The following CDK14 variants were observed in gnomAD, a reference collection of about 807,000 sequenced individuals.
The protein encoded by CDK14 is cyclin-dependent kinase 14.
CDK14 carries 34 observed loss-of-function variants against 60.7 expected under a neutral mutation model. The observed-to-expected ratio is 0.56, with a 90% CI of 0.43 to 0.75. The LOEUF (loss-of-function observed/expected upper bound fraction) is 0.75, where lower values mean the gene tolerates loss of function less well. Among genes scored for constraint, CDK14 ranks in the 30% least tolerant of loss-of-function variants. The pLI, the probability that CDK14 is intolerant of heterozygous loss-of-function variation, is 0.00. For synonymous variants in CDK14, 197 were observed against 203.7 expected, an observed-to-expected ratio of 0.97 and a Z score of 0.28; for missense variants, 482 against 564.1, an observed-to-expected ratio of 0.85 and a Z score of 1.47.
intron 14 of CDK14, among the ~76,000 whole-genome samples, chr7:91,133,696 C>T (rs184298381): frequency 1.2e-4 from 18 of 151,966 alleles, no homozygotes; most frequent in East Asian, 1.2e-3. Flanking sequence ...ATGGTTTTAC[C>T]GATTTTATTG....
intron 14 of CDK14, among the ~76,000 whole-genome samples, chr7:91,185,721 A>G (rs1362902890): frequency 6.6e-6 from 1 of 151,798 alleles, no homozygotes; most frequent in African/African-American, 2.4e-5. Flanking sequence ...CTTTAAATAA[A>G]TATACTTAAA....
At chr7:91,102,170 A>AG (rs989505875) in intron 12 of CDK14, among the ~76,000 whole-genome samples, 1 of 152,168 alleles carries the variant, frequency 6.6e-6, no homozygotes, top group African/African-American at 2.4e-5. Flanking sequence ...GAAGGGATCC[A>AG]GGCTCTGTGG....
intron 8 of CDK14, among the ~76,000 whole-genome samples, chr7:90,952,068 C>A (rs886632790): frequency 2.0e-5 from 3 of 151,990 alleles, no homozygotes; most frequent in African/African-American, 7.2e-5. Context: ...GGGGTAGGTC[C>A]CAGAAGGAGA....
intron 3 of CDK14, among the ~76,000 whole-genome samples, chr7:90,743,145 T>G (rs1287672073): frequency 6.6e-6 from 1 of 152,156 alleles, no homozygotes; most frequent in Non-Finnish European, 1.5e-5. Flanking sequence ...CATTTTGGTT[T>G]TAAGGTTTTT....
chr7:90,774,115 G>A (rs1006330907), intron 4 of CDK14, among the ~76,000 whole-genome samples: 70 of 151,946 alleles, frequency 4.6e-4, no homozygotes, highest in African/African-American at 1.7e-3. Flanking sequence ...TGTTAGCCAG[G>A]CTGGTCACGA....
chr7:90,979,687 A>G (rs1230863999), intron 9 of CDK14: 1 of 152,238 alleles, frequency 6.6e-6, no homozygotes. Flanking sequence ...ACCAATGTTC[A>G]TCGTCATGCT....
intron 14 of CDK14, among the ~76,000 whole-genome samples, chr7:91,158,455 G>A (rs1006647005): frequency 1.8e-4 from 27 of 151,972 alleles, no homozygotes; most frequent in African/African-American, 6.0e-4. Flanking sequence ...CAGCTCAAGC[G>A]ATCTGCCTGC....
chr7:91,119,778 G>T (rs970480032), intron 14 of CDK14, among the ~76,000 whole-genome samples: 2 of 152,168 alleles, frequency 1.3e-5, no homozygotes, highest in African/African-American at 4.8e-5. Flanking sequence ...AAGATCTCCA[G>T]ATAAAGTATG....
chr7:91,083,073 G>A (rs539607678), intron 12 of CDK14, among the ~76,000 whole-genome samples: 2 of 152,142 alleles, frequency 1.3e-5, no homozygotes, highest in East Asian at 1.9e-4. Context: ...GTTGAGTTGA[G>A]TGAGTTCTTA....
chr7:90,809,615 C>CT (rs1207380911), intron 5 of CDK14, among the ~76,000 whole-genome samples: 1 of 152,066 alleles, frequency 6.6e-6, no homozygotes, highest in Non-Finnish European at 1.5e-5. Context: ...CAAGAAATAA[C>CT]TAAGATCAGA....
intron 10 of CDK14, among the ~76,000 whole-genome samples, chr7:90,989,236 G>A (rs938332959): frequency 2.0e-4 from 30 of 152,104 alleles, no homozygotes; most frequent in African/African-American, 7.0e-4. Context: ...ATTGGTTAGG[G>A]AAGCCTTGTA....
At chr7:90,641,185 C>T (rs1199693320) in intron 2 of CDK14, among the ~76,000 whole-genome samples, 1 of 151,836 alleles carries the variant, frequency 6.6e-6, no homozygotes, top group Non-Finnish European at 1.5e-5. Context: ...CCTGGGACTG[C>T]AAAATGATTC....
chr7:90,725,256 A>G (rs1174314382), intron 2 of CDK14, among the ~76,000 whole-genome samples: 1 of 152,208 alleles, frequency 6.6e-6, no homozygotes, highest in Non-Finnish European at 1.5e-5. Flanking sequence ...TGCCCGTTCA[A>G]TTCCACATGT....
intron 9 of CDK14, among the ~76,000 whole-genome samples, chr7:90,964,692 T>C (rs1347726470): frequency 6.6e-6 from 1 of 152,238 alleles, no homozygotes; most frequent in Non-Finnish European, 1.5e-5. Context: ...CTTATATTGC[T>C]ATTCATTGAT....
intron 12 of CDK14, among the ~76,000 whole-genome samples, chr7:91,084,493 C>T (rs1176673051): frequency 1.3e-5 from 2 of 152,246 alleles, no homozygotes; most frequent in Non-Finnish European, 2.9e-5. Context: ...GGCCTGCCTG[C>T]TACCCACTCA....
chr7:90,946,802 A>AACAC (rs1794115636), intron 8 of CDK14, among the ~76,000 whole-genome samples: 2 of 152,302 alleles, frequency 1.3e-5, no homozygotes, highest in South Asian at 2.1e-4. Context: ...AAAACAAACA[A>AACAC]ACAAAAAACT....
intron 2 of CDK14, among the ~76,000 whole-genome samples, chr7:90,658,666 T>C (rs767623156): frequency 3.9e-5 from 6 of 152,252 alleles, no homozygotes; most frequent in Non-Finnish European, 7.3e-5. Context: ...TATTCCATCA[T>C]ATGGATAGGA....
chr7:90,910,783 A>G lies in CDK14; in HGVS notation c.703-6818A>G, dbSNP rs115985109. On this transcript the variant is annotated intron_variant, in intron 7 of 14. Transcript: ENST00000380050. ...CACTTAATTCCTCTTTTTTTAAAAA[A>G]CTTTTAAGTTCAGGGGTACATGTGC... Among the ~76,000 whole-genome samples, 1,193 of 152,120 alleles carry G rather than the reference A, an allele frequency of 7.8e-3. 13 individuals carry two copies. The highest frequency in any genetic ancestry group is 0.026 in the African/African-American group (1,099 of 41,498).
intron 12 of CDK14, among the ~76,000 whole-genome samples, chr7:91,087,263 T>C (rs1209755712): frequency 6.6e-6 from 1 of 152,218 alleles, no homozygotes; most frequent in Non-Finnish European, 1.5e-5. Flanking sequence ...AGTATTCTTA[T>C]TAACACCTGC....
Sources: gnomAD v4.1 joint callset for allele counts (sites outside exome capture counted in the v4.1 genomes callset) on GRCh38, gnomAD v4.1.1 for gene constraint, MANE v1.5 for transcripts, NCBI Gene and HGNC (gene_info 2026-07-23, HGNC 2026-07-21) for gene names.